FBXW11: variants seen among roughly 807,000 people sequenced by gnomAD.
The protein encoded by FBXW11 is F-box/WD repeat-containing protein 11.
FBXW11 carries 19 observed loss-of-function variants against 77.6 expected under a neutral mutation model. The ratio of observed to expected loss-of-function variants is 0.24; its 90% CI spans 0.17 to 0.36. FBXW11 has a LOEUF of 0.36. FBXW11 is among the 10% of genes least tolerant of loss of function. The pLI, the probability that FBXW11 is intolerant of heterozygous loss-of-function variation, is 1.00. For synonymous variants in FBXW11, 235 were observed against 249.4 expected, an observed-to-expected ratio of 0.94 and a Z score of 0.54; for missense variants, 334 against 704.2, an observed-to-expected ratio of 0.47 and a Z score of 5.95.
intron 1 of FBXW11, among the ~76,000 whole-genome samples, chr5:171,991,842 G>A (rs1765753856): frequency 6.6e-6 from 1 of 152,098 alleles, no homozygotes; most frequent in Admixed American, 6.6e-5. Context: ...GTGGCCGGGA[G>A]GTTGGCTCAC....
At chr5:171,972,695 C>G (rs1355596043) in intron 1 of FBXW11, among the ~76,000 whole-genome samples, 1 of 152,072 alleles carries the variant, frequency 6.6e-6, no homozygotes, top group South Asian at 2.1e-4. Context: ...CAGGCGCCCA[C>G]CACCACACCT....
In FBXW11 at chr5:171,914,415, GA is replaced by G. The variant is rs762254479; in HGVS notation, c.148-11del. ...CCATAACTGAAGTGTTCTAGGGGGG[GA>G]AAAACAGGTTATTTGAATTATACCA... On this transcript the variant is annotated splice_polypyrimidine_tract_variant and intron_variant, in intron 2 of 13. Transcript: ENST00000517395. 1.3e-6 allele frequency: 2 copies of G among 1,568,514 alleles called. No individual in the cohort carries two copies. Among genetic ancestry groups the G allele is most frequent in the Non-Finnish European group, 1.7e-6 (2 of 1,165,114 alleles).
At chr5:171,903,819 T>TA (rs1760296564) in intron 4 of FBXW11, among the ~76,000 whole-genome samples, 1 of 151,460 alleles carries the variant, frequency 6.6e-6, no homozygotes, top group African/African-American at 2.4e-5. Context: ...CTAATTTTTT[T>TA]TAAAAAAAAT....
chr5:171,905,590 C>CCG (rs1554098632), intron 4 of FBXW11, among the ~76,000 whole-genome samples: 4 of 69,298 alleles, frequency 5.8e-5, no homozygotes, highest in East Asian at 1.0e-3. Flanking sequence ...AAAAAGCTAA[C>CCG]CCCCCCCCCT....
Position 171,872,937 on chromosome 5 carries a change from C to T in FBXW11, c.1275G>A (p.Arg425=), listed in dbSNP as rs747224602. The change falls in exon 10 of 14, where the codon CGG becomes CGA. Residue 425 remains arginine, a synonymous_variant. Transcript: ENST00000517395. ...EFVRTLNGHK[R]GIACLQYRDR... ...CCCTGTACTGGAGACAGGCAATGCCCCGCTTGTGCCCATTGAGAGTACGAA... is the reference window on the plus strand; with the variant it reads ...CCCTGTACTGGAGACAGGCAATGCCTCGCTTGTGCCCATTGAGAGTACGAA... 2.5e-6 allele frequency: 4 copies of T among 1,613,988 alleles called. No homozygotes were observed. The highest frequency in any genetic ancestry group is 3.4e-6 in the Non-Finnish European group (4 of 1,180,006).
At chr5:171,997,134 C>G (rs141864534) in intron 1 of FBXW11, 2 of 1,165,144 alleles carry the variant, frequency 1.7e-6, no homozygotes, top group African/African-American at 3.2e-5. Context: ...AAGGAAGGGT[C>G]AATGGAATGG....
chr5:171,889,012 A>C (rs1229670884), intron 7 of FBXW11, among the ~76,000 whole-genome samples: 1 of 152,252 alleles, frequency 6.6e-6, no homozygotes, highest in Non-Finnish European at 1.5e-5. Flanking sequence ...AATGTGGAAC[A>C]ATATCAAAAG....
intron 2 of FBXW11, among the ~76,000 whole-genome samples, chr5:171,955,816 CA>C (rs57350427): frequency 0.013 from 1,793 of 133,440 alleles, 29 homozygotes; most frequent in African/African-American, 0.039. Flanking sequence ...CCAATCAAGG[CA>C]AAAAAAAAAA....
chr5:171,893,421 C>CAAAAAAAAAAAACAAAAAAA lies in FBXW11; in HGVS notation c.715-1818_715-1817insTTTTTTTGTTTTTTTTTTTT, dbSNP rs757678376. ...GACATACAAAAGCACACTTCAAAACCAAAAAAAAAAAAAAAAAAAAAAAAA... is the reference window on the plus strand; with the variant it reads ...GACATACAAAAGCACACTTCAAAACCAAAAAAAAAAAACAAAAAAAAAAAAAAAAAAAAAAAAAAAAAAAA... On this transcript the variant is annotated intron_variant, in intron 6 of 13. Transcript: ENST00000517395. Among the ~76,000 whole-genome samples, 7 of 39,840 alleles carry CAAAAAAAAAAAACAAAAAAA rather than the reference C, an allele frequency of 1.8e-4. 2 individuals are homozygous for CAAAAAAAAAAAACAAAAAAA. Among genetic ancestry groups the CAAAAAAAAAAAACAAAAAAA allele is most frequent in the Non-Finnish European group, 2.2e-4 (5 of 22,466 alleles). The allele number at this position is 39,840 out of a possible 152,430, so 26.1% of individuals were successfully genotyped here.
intron 1 of FBXW11, among the ~76,000 whole-genome samples, chr5:171,959,806 C>T (rs1052799936): frequency 2.8e-4 from 42 of 148,474 alleles, no homozygotes; most frequent in African/African-American, 9.5e-4. Context: ...GCCAAGACCA[C>T]GCCACTGCAC....
chr5:171,908,037 T>C (rs984526383), intron 4 of FBXW11, among the ~76,000 whole-genome samples: 21 of 152,116 alleles, frequency 1.4e-4, no homozygotes, highest in Non-Finnish European at 1.3e-4. Flanking sequence ...TTGAATTGCT[T>C]GAGAAAAATG....
intron 1 of FBXW11, among the ~76,000 whole-genome samples, chr5:171,967,915 CACACAT>C (rs1314779531): frequency 3.4e-5 from 5 of 148,788 alleles, no homozygotes; most frequent in African/African-American, 1.0e-4. Context: ...CACACACACA[CACACAT>C]ATAAATCTGG....
intron 2 of FBXW11, among the ~76,000 whole-genome samples, chr5:171,953,052 C>T (rs1763429274): frequency 6.6e-6 from 1 of 152,104 alleles, no homozygotes; most frequent in South Asian, 2.1e-4. Context: ...TCACTGTAAC[C>T]TCCAACTCCT....
chr5:171,954,051 T>G (rs746554332), intron 2 of FBXW11, among the ~76,000 whole-genome samples: 26 of 152,158 alleles, frequency 1.7e-4, no homozygotes, highest in Non-Finnish European at 3.4e-4. Flanking sequence ...AAGCAATCAG[T>G]CCTACCCCAG....
At chr5:171,987,733 G>A (rs1211134573) in intron 1 of FBXW11, among the ~76,000 whole-genome samples, 3 of 152,160 alleles carry the variant, frequency 2.0e-5, no homozygotes, top group Non-Finnish European at 4.4e-5. Context: ...GATTACGGGC[G>A]TGAGCTACCG....
At chr5:171,943,387 G>C (rs1041091889) in intron 2 of FBXW11, among the ~76,000 whole-genome samples, 7 of 152,154 alleles carry the variant, frequency 4.6e-5, no homozygotes, top group Non-Finnish European at 1.0e-4. Flanking sequence ...GCAACTCAAT[G>C]GCAGGCTGTT....
chr5:171,986,098 A>G (rs780621825), intron 1 of FBXW11, among the ~76,000 whole-genome samples: 2 of 152,240 alleles, frequency 1.3e-5, no homozygotes, highest in Non-Finnish European at 2.9e-5. Flanking sequence ...TAGTGTTTTC[A>G]TATGAAATGT....
intron 2 of FBXW11, among the ~76,000 whole-genome samples, chr5:171,937,973 GAACT>G (rs1200270198): frequency 6.6e-6 from 1 of 150,656 alleles, no homozygotes; most frequent in African/African-American, 2.4e-5. Context: ...ACAAATAAAA[GAACT>G]AATATCCCTA....
At chr5:171,965,864 G>T (rs554267414) in intron 1 of FBXW11, among the ~76,000 whole-genome samples, 1 of 152,162 alleles carries the variant, frequency 6.6e-6, no homozygotes, top group South Asian at 2.1e-4. Flanking sequence ...ACGTGTCAGG[G>T]GAGGGGCCTG....
Sources: allele counts gnomAD v4.1 joint callset (sites outside exome capture counted in the v4.1 genomes callset), GRCh38; gene constraint gnomAD v4.1.1; transcripts MANE v1.5; gene names NCBI Gene and HGNC (gene_info 2026-07-23, HGNC 2026-07-21).